The following RASGEF1A variants were observed in gnomAD, a reference collection of about 807,000 sequenced individuals.
The protein encoded by RASGEF1A is RasGEF domain family member 1A, also known as ras-GEF domain-containing family member 1A.
A neutral mutation model predicts 56.4 loss-of-function variants in RASGEF1A; 18 were observed. That is an observed-to-expected ratio of 0.32 (90% confidence interval 0.22 to 0.47). The LOEUF (loss-of-function observed/expected upper bound fraction) is 0.47. RASGEF1A is among the 20% of genes least tolerant of loss of function. RASGEF1A has a pLI of 1.00. For synonymous variants in RASGEF1A, 245 were observed against 242.6 expected (o/e 1.01, Z -0.09); for missense variants, 422 against 627.1 (o/e 0.67, Z 3.49).
rs1840264666 is a variant in RASGEF1A at position 43,225,407 on chromosome 10, C to T, written c.-6-19285G>A. Among the ~76,000 whole-genome samples the T allele has an allele frequency of 2.0e-5, 3 of 148,462 alleles. No individual in the cohort carries two copies. In the South Asian group the frequency reaches 6.4e-4, roughly 32 times the overall value. ...CATGTGTCTGTGTCTGTGTGTGTGC[C>T]TGCATGTGTCTCTGTGTCTGTGTCT... On this transcript the variant is annotated intron_variant, in intron 1 of 12. Transcript: ENST00000395810.
chr10:43,214,560 C>T (rs1187703251), intron 1 of RASGEF1A, among the ~76,000 whole-genome samples: 1 of 152,170 alleles, frequency 6.6e-6, no homozygotes, highest in South Asian at 2.1e-4. Context: ...CCAACACCAC[C>T]AGCCCCACCA....
Position 43,196,468 on chromosome 10 carries a change from C to T in RASGEF1A, c.1421+8G>A, listed in dbSNP as rs200373779. ...TTACAGACTCCCATGTTCCTGACGC[C>T]CTCCTACCTGAGGGTCTTCCAGCTG... On this transcript the variant is annotated splice_region_variant and intron_variant, in intron 12 of 12. Coordinates refer to ENST00000395810, the MANE Select transcript of RASGEF1A (RefSeq NM_145313.4). This position sits in a 1 kb window ranked among gnomAD's most constrained non-coding sequence, Gnocchi z 4.6. The T allele has an allele frequency of 1.5e-4, 241 of 1,613,734 alleles. No individual in the cohort carries two copies. The African/African-American group carries it at 2.9e-3, about 20-fold the overall frequency.
At chr10:43,212,757 G>A (rs1456239324) in intron 1 of RASGEF1A, among the ~76,000 whole-genome samples, 1 of 152,212 alleles carries the variant, frequency 6.6e-6, no homozygotes, top group African/African-American at 2.4e-5. Flanking sequence ...TTTTCCAGTG[G>A]GTACGTTCTG....
At chr10:43,260,579 G>A (rs1351409297) in intron 1 of RASGEF1A, among the ~76,000 whole-genome samples, 1 of 152,146 alleles carries the variant, frequency 6.6e-6, no homozygotes, top group Non-Finnish European at 1.5e-5. Context: ...AGACCCCACG[G>A]AGAAGCTAGG....
chr10:43,201,702 C>A, intron 4 of RASGEF1A, 106 bp downstream of exon 4: 2 of 1,221,692 alleles, frequency 1.6e-6, no homozygotes, highest in Non-Finnish European at 2.2e-6. Flanking sequence ...GGGGGAGTAA[C>A]ATGGAAGGGG....
chr10:43,229,851 G>T (rs1263550976), intron 1 of RASGEF1A: 5 of 713,666 alleles, frequency 7.0e-6, no homozygotes, highest in Non-Finnish European at 9.8e-6. Flanking sequence ...GGGGCAGAGG[G>T]GCCGCGAGGC....
chr10:43,258,743 T>C (rs1226739457), intron 1 of RASGEF1A, among the ~76,000 whole-genome samples: 3 of 152,176 alleles, frequency 2.0e-5, no homozygotes, highest in Admixed American at 2.0e-4. Flanking sequence ...ACACCCACCA[T>C]CCACCCACTC....
rs1564531697 is a variant in RASGEF1A, at chr10:43,209,688, CCA to C, written c.-6-3568_-6-3567del. 2.8e-5 allele frequency among the ~76,000 whole-genome samples: 4 copies of C among 143,150 alleles called. No individual in the cohort carries two copies. In the South Asian group the frequency reaches 7.6e-4, roughly 27 times the overall value. The allele number at this position is 143,150 out of a possible 152,430, so 93.9% of individuals were successfully genotyped here. A position where few individuals can be genotyped will look rare whatever the true frequency, so the allele number is the denominator to read the frequency against. ...ACTGTGGAGAGCTCAGGAAGCCCCC[CCA>C]CCAGGGCTAGGCAGAGATAGGGCTG... is the stretch of plus-strand genomic sequence containing the variant. On this transcript the variant is annotated intron_variant, in intron 1 of 12. Transcript: ENST00000395810.
rs1220532257 is a variant in RASGEF1A, at chr10:43,196,850, A to G, written c.1348+126T>C. ...CTCATGCACACTCGCCCCTGCGAGC[A>G]GAGCCAGCCCTGTGTGGCATGGAGC... On this transcript the variant is annotated intron_variant, in intron 11 of 12. Coordinates refer to ENST00000395810, the MANE Select transcript of RASGEF1A (RefSeq NM_145313.4). The surrounding 1 kb of genome is among the most constrained non-coding windows in gnomAD (Gnocchi z 4.6). 1 of 1,200,602 alleles carries G rather than the reference A, an allele frequency of 8.3e-7. No individual in the cohort carries two copies. The highest frequency in any genetic ancestry group is 1.2e-6 in the Non-Finnish European group (1 of 860,692). 74.4% of individuals were successfully genotyped at this position (1,200,602 alleles called of 1,614,324 possible). A position where few individuals can be genotyped will look rare whatever the true frequency, so the allele number is the denominator to read the frequency against.
At chr10:43,247,437 T>C (rs970515659) in intron 1 of RASGEF1A, among the ~76,000 whole-genome samples, 1 of 152,224 alleles carries the variant, frequency 6.6e-6, no homozygotes, top group African/African-American at 2.4e-5. Context: ...AAAACCTCTG[T>C]CCACACAAAA....
intron 1 of RASGEF1A, among the ~76,000 whole-genome samples, chr10:43,222,987 G>C (rs1840227019): frequency 6.8e-6 from 1 of 147,840 alleles, no homozygotes; most frequent in Non-Finnish European, 1.5e-5. Context: ...TGGAGAGTAA[G>C]AAAAACACTT....
chr10:43,200,961 A>G (rs1375430042), intron 4 of RASGEF1A, 73 bp from the exon 5 acceptor site: 3 of 1,385,688 alleles, frequency 2.2e-6, no homozygotes, highest in Non-Finnish European at 3.0e-6. Context: ...GGTAGGATCC[A>G]TCTCACCTCC....
chr10:43,243,161 T>C (rs537069908), intron 1 of RASGEF1A, among the ~76,000 whole-genome samples: 1 of 125,398 alleles, frequency 8.0e-6, no homozygotes, highest in Non-Finnish European at 1.7e-5. Context: ...TGGGAGGAAG[T>C]GAGGAGCGCC....
intron 1 of RASGEF1A, among the ~76,000 whole-genome samples, chr10:43,255,374 G>A (rs2133227844): frequency 6.6e-6 from 1 of 152,220 alleles, no homozygotes; most frequent in East Asian, 1.9e-4. Context: ...GGACAGTGGG[G>A]CAGGCTGAGG....
intron 2 of RASGEF1A, among the ~76,000 whole-genome samples, chr10:43,203,982 G>T (rs879406569): frequency 3.0e-4 from 45 of 150,378 alleles, no homozygotes; most frequent in Non-Finnish European, 5.6e-4. Context: ...GCTGGTGGGG[G>T]CCCCTGCACT....
intron 1 of RASGEF1A, among the ~76,000 whole-genome samples, chr10:43,225,416 T>C (rs1840264924): frequency 6.6e-6 from 1 of 151,924 alleles, no homozygotes; most frequent in African/African-American, 2.4e-5. Flanking sequence ...CCTGCATGTG[T>C]CTCTGTGTCT....
chr10:43,254,851 T>C (rs181702611), intron 1 of RASGEF1A, among the ~76,000 whole-genome samples: 1 of 152,270 alleles, frequency 6.6e-6, no homozygotes, highest in African/African-American at 2.4e-5. Flanking sequence ...AGTCCCTTTA[T>C]GGCACACAAG....
chr10:43,200,446 C>T (rs1839876115), intron 5 of RASGEF1A, among the ~76,000 whole-genome samples, 190 bp from the exon 6 acceptor site: 1 of 152,234 alleles, frequency 6.6e-6, no homozygotes. Context: ...GCTCCTCCCA[C>T]TGACACAGCA....
intron 1 of RASGEF1A, among the ~76,000 whole-genome samples, chr10:43,232,829 C>G (rs542865979): frequency 1.3e-5 from 2 of 152,308 alleles, no homozygotes; most frequent in East Asian, 3.9e-4. Context: ...CTACTACACT[C>G]GCAAAGGCTC....
Sources: allele counts gnomAD v4.1 joint callset (sites outside exome capture counted in the v4.1 genomes callset), GRCh38; gene constraint gnomAD v4.1.1; non-coding constraint Gnocchi (gnomAD v3.1); transcripts MANE v1.5; gene names NCBI Gene and HGNC (gene_info 2026-07-23, HGNC 2026-07-21).